The following FAF1 variants were observed in gnomAD, a reference collection of about 807,000 sequenced individuals.
The protein encoded by FAF1 is FAS-associated factor 1.
A neutral mutation model predicts 92.5 loss-of-function variants in FAF1; 25 were observed. The ratio of observed to expected loss-of-function variants is 0.27; its 90% CI spans 0.20 to 0.38. FAF1 has a LOEUF of 0.38. Among genes scored for constraint, FAF1 ranks in the 10% least tolerant of loss-of-function variants. The pLI, the probability that FAF1 is intolerant of heterozygous loss-of-function variation, is 1.00. For missense variants in FAF1, 636 were observed against 793.3 expected (o/e 0.80, Z 2.38); for synonymous variants, 234 against 273.2 (o/e 0.86, Z 1.42).
intron 4 of FAF1, among the ~76,000 whole-genome samples, chr1:50,784,173 A>G (rs1372030039): frequency 6.6e-6 from 1 of 152,214 alleles, no homozygotes; most frequent in African/African-American, 2.4e-5. Flanking sequence ...TAGTACTGGA[A>G]AGCCTAGATA....
chr1:50,878,235 C>A (rs1209098791), intron 1 of FAF1, among the ~76,000 whole-genome samples: 1 of 152,118 alleles, frequency 6.6e-6, no homozygotes, highest in Non-Finnish European at 1.5e-5. Flanking sequence ...AACACTGTGC[C>A]CTTTGAAACA....
At position 50,691,748 on chromosome 1, in the gene FAF1, G is replaced by A. The variant is rs181585468; in HGVS notation, c.657+14038C>T. Among the ~76,000 whole-genome samples the A allele has an allele frequency of 2.3e-3, 357 of 152,214 alleles. 1 individual carries two copies. The highest frequency in any genetic ancestry group is 8.3e-3 in the African/African-American group (345 of 41,538). On this transcript the variant is annotated intron_variant, in intron 7 of 18. Transcript: ENST00000396153. ...TGGCATTATAGGCATGCACCACCAC[G>A]CCCGGCTAATTTTGTATTTTTAGTA...
Position 50,799,251 on chromosome 1 carries a change from G to A in FAF1, c.161+2380C>T, listed in dbSNP as rs142290785. ...ACCTGCTTCTATGCTTGTGAACTTG[G>A]GCAAGTCTATGTAAACTCTCTAACT... On this transcript the variant is annotated intron_variant, in intron 3 of 18. Coordinates refer to ENST00000396153, the MANE Select transcript of FAF1 (RefSeq NM_007051.3). Among the ~76,000 whole-genome samples, 176 of 152,220 alleles carry A rather than the reference G, an allele frequency of 1.2e-3. 5 individuals are homozygous for A. The highest frequency in any genetic ancestry group is 1.9e-4 in the East Asian group (1 of 5,186).
At chr1:50,911,492 TTGAGACC>T (rs2124722547) in intron 1 of FAF1, among the ~76,000 whole-genome samples, 1 of 150,506 alleles carries the variant, frequency 6.6e-6, no homozygotes, top group African/African-American at 2.4e-5. Context: ...GGTCAGGAGT[TTGAGACC>T]AGTCCGGCCA....
chr1:50,749,212 T>C (rs748020950), intron 4 of FAF1, among the ~76,000 whole-genome samples: 26 of 152,222 alleles, frequency 1.7e-4, no homozygotes, highest in Admixed American at 3.3e-4. Flanking sequence ...GAGCTGTACC[T>C]GTCTGGAACT....
chr1:50,724,787 C>T (rs72900982), intron 6 of FAF1, among the ~76,000 whole-genome samples: 10,055 of 152,296 alleles, frequency 0.066, 412 homozygotes, highest in East Asian at 0.094. Context: ...TCCTCTTTCA[C>T]TTCCTGTGCC....
chr1:50,442,088 TAAAA>T (rs1052182663), intron 18 of FAF1, among the ~76,000 whole-genome samples: 1 of 151,762 alleles, frequency 6.6e-6, no homozygotes, highest in Non-Finnish European at 1.5e-5. Flanking sequence ...TTTTAAAAAT[TAAAA>T]AAAATCATAA....
intron 8 of FAF1, among the ~76,000 whole-genome samples, chr1:50,621,395 T>G (rs895761498): frequency 1.6e-5 from 2 of 121,970 alleles, no homozygotes; most frequent in African/African-American, 6.8e-5. Context: ...TTTTTTCTTT[T>G]TTTTTTTTTT....
intron 1 of FAF1, among the ~76,000 whole-genome samples, chr1:50,866,784 A>T (rs111308652): frequency 1.3e-5 from 2 of 152,188 alleles, no homozygotes; most frequent in Non-Finnish European, 2.9e-5. Flanking sequence ...TGGAACTTCA[A>T]TGCAATTGCC....
intron 1 of FAF1, among the ~76,000 whole-genome samples, chr1:50,867,609 G>T (rs1644492710): frequency 6.6e-6 from 1 of 152,106 alleles, no homozygotes; most frequent in African/African-American, 2.4e-5. Context: ...TCAGGCAAAT[G>T]CATATCAAAA....
chr1:50,596,061 G>A, intron 9 of FAF1, 60 bp downstream of exon 9: 1 of 1,058,694 alleles, frequency 9.4e-7, no homozygotes, highest in Non-Finnish European at 1.4e-6. Context: ...AAAAAGGGAA[G>A]TGCGCAGGTA....
chr1:50,883,815 C>A (rs189780121), intron 1 of FAF1, among the ~76,000 whole-genome samples: 1 of 152,084 alleles, frequency 6.6e-6, no homozygotes, highest in African/African-American at 2.4e-5. Context: ...TTTACTGAGA[C>A]GTACAGTATT....
intron 18 of FAF1, among the ~76,000 whole-genome samples, chr1:50,457,516 C>T (rs1038202412): frequency 3.9e-5 from 6 of 152,036 alleles, no homozygotes; most frequent in South Asian, 2.1e-4. Flanking sequence ...AACTAGAATA[C>T]GGAGCACAGA....
intron 4 of FAF1, among the ~76,000 whole-genome samples, chr1:50,773,178 T>G (rs1660831747): frequency 1.3e-5 from 2 of 152,204 alleles, no homozygotes; most frequent in Non-Finnish European, 1.5e-5. Context: ...GAAGCTCAGC[T>G]GGGGAAAATT....
At chr1:50,634,503 A>T (rs1399448707) in intron 8 of FAF1, among the ~76,000 whole-genome samples, 1 of 152,228 alleles carries the variant, frequency 6.6e-6, no homozygotes, top group Non-Finnish European at 1.5e-5. Context: ...AATGCCAGAG[A>T]TTAAGTAGTG....
rs1471396708 is a variant in FAF1, at chr1:50,947,135, T to C, written c.45+12632A>G. Among the ~76,000 whole-genome samples the C allele has an allele frequency of 2.6e-5, 4 of 152,112 alleles. No individual in the cohort carries two copies. The East Asian group carries it at 7.7e-4, about 29-fold the overall frequency. On this transcript the variant is annotated intron_variant, in intron 1 of 18. Transcript: ENST00000396153. ...AGTTACTGCTATTACTCTTTCCCTA[T>C]TAAAGAAAGGATACATCTAAAATTG...
At chr1:50,602,123 ACACACC>A (rs1190441905) in intron 8 of FAF1, among the ~76,000 whole-genome samples, 2 of 152,206 alleles carry the variant, frequency 1.3e-5, no homozygotes, top group Admixed American at 6.5e-5. Context: ...TCTGCATGTG[ACACACC>A]CAGTAACACA....
At chr1:50,789,862 C>A (rs534726738) in intron 3 of FAF1, among the ~76,000 whole-genome samples, 2 of 152,146 alleles carry the variant, frequency 1.3e-5, no homozygotes, top group African/African-American at 4.8e-5. Flanking sequence ...TGCTAACAGG[C>A]GCATGGTCTT....
At chr1:50,594,480 C>T (rs1035050729) in intron 9 of FAF1, among the ~76,000 whole-genome samples, 2 of 152,002 alleles carry the variant, frequency 1.3e-5, no homozygotes, top group African/African-American at 4.8e-5. Flanking sequence ...GCTCTCTTTC[C>T]CATTTCCTTA....
Sources: gnomAD v4.1 joint callset for allele counts (sites outside exome capture counted in the v4.1 genomes callset) on GRCh38, gnomAD v4.1.1 for gene constraint, MANE v1.5 for transcripts, NCBI Gene and HGNC (gene_info 2026-07-23, HGNC 2026-07-21) for gene names.